TCF12: variants seen among roughly 807,000 people sequenced by gnomAD.
TCF12 encodes transcription factor 12.
Under a neutral mutation model 86.0 loss-of-function variants are expected in TCF12, and 45 were observed. The observed-to-expected ratio is 0.52, with a 90% confidence interval of 0.41 to 0.67. The LOEUF (loss-of-function observed/expected upper bound fraction) is 0.67. Among genes scored for constraint, TCF12 ranks in the 30% least tolerant of loss-of-function variants. The pLI is 0.00. For synonymous variants in TCF12, 330 were observed against 299.6 expected, an observed-to-expected ratio of 1.10 and a Z score of -1.05; for missense variants, 881 against 859.9, an observed-to-expected ratio of 1.02 and a Z score of -0.31.
downstream of TCF12, among the ~76,000 whole-genome samples, chr15:57,290,464 A>G (rs116555990): frequency 9.7e-4 from 147 of 152,066 alleles, 1 homozygote; most frequent in African/African-American, 3.3e-3. Flanking sequence ...AGGGTAAAGG[A>G]TTTATTAGGA....
chr15:57,219,748 C>T (rs2058498193), intron 8 of TCF12, among the ~76,000 whole-genome samples: 1 of 121,334 alleles, frequency 8.2e-6, no homozygotes, highest in Non-Finnish European at 1.7e-5. Flanking sequence ...TGCGGGGGGA[C>T]GGAGTCTTGC....
At chr15:57,076,383 C>A (rs1056073074) in intron 4 of TCF12, among the ~76,000 whole-genome samples, 2 of 152,062 alleles carry the variant, frequency 1.3e-5, no homozygotes, top group Admixed American at 6.6e-5. Flanking sequence ...ATAGGCCGGG[C>A]ACGGTGGCTC....
chr15:57,058,092 C>G (rs1370102980), intron 3 of TCF12, among the ~76,000 whole-genome samples: 1 of 152,152 alleles, frequency 6.6e-6, no homozygotes, highest in Non-Finnish European at 1.5e-5. Flanking sequence ...TTCAGACAGT[C>G]AGAACAAGTC....
intron 3 of TCF12, among the ~76,000 whole-genome samples, chr15:56,978,712 A>G (rs959799555): frequency 1.3e-5 from 2 of 152,168 alleles, no homozygotes; most frequent in Non-Finnish European, 2.9e-5. Flanking sequence ...TTGATAGAAA[A>G]ATATCTTATG....
chr15:56,995,775 C>G (rs537389286), intron 3 of TCF12, among the ~76,000 whole-genome samples: 1 of 152,184 alleles, frequency 6.6e-6, no homozygotes, highest in Non-Finnish European at 1.5e-5. Context: ...ATTTGGATGG[C>G]TTTTATTTCT....
At chr15:57,282,207 C>T (rs1389353073) in intron 19 of TCF12, 7 of 533,292 alleles carry the variant, frequency 1.3e-5, no homozygotes, top group Non-Finnish European at 2.3e-5. Flanking sequence ...TAAATCAAAT[C>T]AAACCCTAGA....
At chr15:56,925,561 A>G (rs772795660) in intron 3 of TCF12, among the ~76,000 whole-genome samples, 1 of 152,218 alleles carries the variant, frequency 6.6e-6, no homozygotes, top group Non-Finnish European at 1.5e-5. Context: ...TTAAAGCCAT[A>G]TAGTCTTTTC....
At chr15:56,969,877 C>T (rs577965419) in intron 3 of TCF12, among the ~76,000 whole-genome samples, 1 of 152,038 alleles carries the variant, frequency 6.6e-6, no homozygotes, top group African/African-American at 2.4e-5. Flanking sequence ...GTATGCAGTT[C>T]AGCATTTAGA....
intron 5 of TCF12, among the ~76,000 whole-genome samples, chr15:57,154,008 AAAG>A (rs1162103559): frequency 1.3e-5 from 2 of 152,080 alleles, no homozygotes; most frequent in South Asian, 2.1e-4. Context: ...AAAAAAAAAA[AAAG>A]AAAAGAAAAA....
chr15:57,235,051 A>C (rs1340822654), intron 12 of TCF12, among the ~76,000 whole-genome samples: 1 of 152,152 alleles, frequency 6.6e-6, no homozygotes, highest in Non-Finnish European at 1.5e-5. Context: ...GGTGTAAATA[A>C]ATTTTTCTCT....
chr15:56,977,909 T>C (rs2062693427), intron 3 of TCF12, among the ~76,000 whole-genome samples: 1 of 152,120 alleles, frequency 6.6e-6, no homozygotes, highest in South Asian at 2.1e-4. Flanking sequence ...GGCTTGGAGA[T>C]AGGGCAGACA....
intron 3 of TCF12, among the ~76,000 whole-genome samples, chr15:57,018,006 A>C (rs2065253397): frequency 6.6e-6 from 1 of 152,176 alleles, no homozygotes; most frequent in African/African-American, 2.4e-5. Flanking sequence ...TTGAGGTGTT[A>C]CTGTTGAATT....
intron 3 of TCF12, among the ~76,000 whole-genome samples, chr15:56,962,156 T>A (rs2543679): frequency 0.017 from 1,609 of 93,888 alleles, 51 homozygotes; most frequent in South Asian, 0.023. Context: ...AAAAAAAAAA[T>A]ATGTTTAATG....
chr15:57,144,679 A>C (rs190174655), intron 5 of TCF12, among the ~76,000 whole-genome samples: 1 of 152,054 alleles, frequency 6.6e-6, no homozygotes, highest in Non-Finnish European at 1.5e-5. Flanking sequence ...GCTCACTGCA[A>C]CCTCCGCCTC....
At chr15:57,153,561 A>C (rs150135104) in intron 5 of TCF12, among the ~76,000 whole-genome samples, 4 of 152,352 alleles carry the variant, frequency 2.6e-5, no homozygotes, top group Non-Finnish European at 5.9e-5. Flanking sequence ...AAGCAAAATT[A>C]GTACATTATA....
chr15:57,268,742 C>G (rs544524391), intron 18 of TCF12, among the ~76,000 whole-genome samples: 1 of 151,862 alleles, frequency 6.6e-6, no homozygotes, highest in African/African-American at 2.4e-5. Flanking sequence ...ATTATGTAGT[C>G]TATTTTCATT....
At chr15:57,093,675 C>T (rs1240465975) in intron 5 of TCF12, among the ~76,000 whole-genome samples, 1 of 152,146 alleles carries the variant, frequency 6.6e-6, no homozygotes, top group African/African-American at 2.4e-5. Context: ...GTAACATTTT[C>T]TCAGTTGGAG....
chr15:57,149,548 A>G (rs2053596447), intron 5 of TCF12, among the ~76,000 whole-genome samples: 1 of 152,246 alleles, frequency 6.6e-6, no homozygotes, highest in Non-Finnish European at 1.5e-5. Flanking sequence ...TATTTTAGAA[A>G]TAAAACATCT....
At chr15:56,948,872 C>G (rs1224914218) in intron 3 of TCF12, among the ~76,000 whole-genome samples, 2 of 151,930 alleles carry the variant, frequency 1.3e-5, no homozygotes, top group African/African-American at 2.4e-5. Context: ...CACTAAAAGT[C>G]ACACTCTTTC....
Sources: gnomAD v4.1 joint callset for allele counts (sites outside exome capture counted in the v4.1 genomes callset) on GRCh38, gnomAD v4.1.1 for gene constraint, MANE v1.5 for transcripts, NCBI Gene and HGNC (gene_info 2026-07-23, HGNC 2026-07-21) for gene names.